The following SLC25A31 variants were observed in gnomAD, a reference collection of about 807,000 sequenced individuals.
SLC25A31 encodes ADP/ATP translocase 4.
A neutral mutation model predicts 36.2 loss-of-function variants in SLC25A31; 40 were observed. That is an observed-to-expected ratio of 1.10 (90% CI 0.86 to 1.44). SLC25A31 has a LOEUF of 1.44. Ranked by LOEUF, SLC25A31 falls within the 40% of genes most tolerant of loss-of-function variation. The pLI is 0.00. For missense variants in SLC25A31, 350 were observed against 397.1 expected, an observed-to-expected ratio of 0.88 and a Z score of 1.01; for synonymous variants, 143 against 149.7, an observed-to-expected ratio of 0.96 and a Z score of 0.32.
chr4:127,736,333 T>G (rs1252326131), intron 1 of SLC25A31, among the ~76,000 whole-genome samples: 1 of 152,216 alleles, frequency 6.6e-6, no homozygotes, highest in Non-Finnish European at 1.5e-5. Context: ...TCTTAGGAAT[T>G]AGAAACTTAA....
chr4:127,761,048 G>C (rs1204084523), intron 2 of SLC25A31, among the ~76,000 whole-genome samples: 6 of 152,094 alleles, frequency 3.9e-5, no homozygotes, highest in Non-Finnish European at 8.8e-5. Flanking sequence ...TTTATTTTCA[G>C]TCTTACTTGT....
At chr4:127,742,874 C>G (rs1731756753) in intron 1 of SLC25A31, among the ~76,000 whole-genome samples, 1 of 152,066 alleles carries the variant, frequency 6.6e-6, no homozygotes, top group African/African-American at 2.4e-5. Flanking sequence ...TTCATTTCTT[C>G]TTTGACCCAT....
chr4:127,730,892 TC>T, intron 1 of SLC25A31, 115 bp downstream of exon 1: 1 of 1,001,244 alleles, frequency 1.0e-6, no homozygotes, highest in Non-Finnish European at 1.4e-6. Flanking sequence ...GCTACAGCTG[TC>T]GGTGATGAAT....
intron 5 of SLC25A31, among the ~76,000 whole-genome samples, chr4:127,770,117 C>T (rs1280537156): frequency 6.6e-6 from 1 of 152,208 alleles, no homozygotes; most frequent in African/African-American, 2.4e-5. Flanking sequence ...TAACCCGTTA[C>T]TTCACTTAGG....
chr4:127,746,472 T>C (rs893041237), intron 2 of SLC25A31, among the ~76,000 whole-genome samples: 7 of 152,178 alleles, frequency 4.6e-5, no homozygotes, highest in South Asian at 2.1e-4. Flanking sequence ...TTTTGAATAG[T>C]AGCCATTTTG....
intron 2 of SLC25A31, among the ~76,000 whole-genome samples, chr4:127,754,973 A>C (rs867809469): frequency 5.9e-5 from 9 of 152,204 alleles, no homozygotes; most frequent in Admixed American, 6.5e-5. Context: ...CAGGACAGAA[A>C]GCCCAGAAGT....
chr4:127,738,982 C>T (rs560392020), intron 1 of SLC25A31, among the ~76,000 whole-genome samples: 23 of 152,092 alleles, frequency 1.5e-4, no homozygotes, highest in African/African-American at 5.5e-4. Context: ...TTACTTTGAG[C>T]CTGTGGGTGT....
intron 2 of SLC25A31, among the ~76,000 whole-genome samples, chr4:127,761,175 C>A (rs1486558207): frequency 6.6e-6 from 1 of 152,076 alleles, no homozygotes; most frequent in African/African-American, 2.4e-5. Flanking sequence ...TCGGCCATAC[C>A]GTTTATATAT....
chr4:127,768,609 GCTA>G (rs1732290762), intron 4 of SLC25A31, 140 bp from the exon 5 acceptor site: 1 of 587,882 alleles, frequency 1.7e-6, no homozygotes, highest in Admixed American at 3.8e-5. Context: ...TTATTGATCT[GCTA>G]CTATTAAATC....
Position 127,748,241 on chromosome 4 carries a change from C to T in SLC25A31, c.360+3442C>T, listed in dbSNP as rs529087081. Among the ~76,000 whole-genome samples, 53 of 152,314 alleles carry T rather than the reference C, an allele frequency of 3.5e-4. 1 individual carries two copies. The highest frequency in any genetic ancestry group is 6.8e-3 in the Middle Eastern group (2 of 294). ...CCCAGCTGAGTCACTCACCTCAGTC[C>T]CTTATAGATCTTGAAACAGTCCTAT... is the stretch of plus-strand genomic sequence containing the variant. On this transcript the variant is annotated intron_variant, in intron 2 of 5. Coordinates refer to ENST00000281154, the MANE Select transcript of SLC25A31 (RefSeq NM_031291.4).
Position 127,735,877 on chromosome 4 carries a change from T to TTATTA in SLC25A31, c.232+5101_232+5102insATTAT, listed in dbSNP as rs1386216751. 7.0e-4 allele frequency among the ~76,000 whole-genome samples: 52 copies of TTATTA among 74,440 alleles called. No individual in the cohort carries two copies. The East Asian group carries it at 9.1e-3, about 13-fold the overall frequency. The allele number at this position is 74,440 out of a possible 152,430, so 48.8% of individuals were successfully genotyped here. ...GCCTAACATTCTTTTATTTTATTTATTTATTTATTTATTTATTTATTTTTT... is the reference window on the plus strand; with the variant it reads ...GCCTAACATTCTTTTATTTTATTTATTATTATTATTTATTTATTTATTTATTTTTT... On this transcript the variant is annotated intron_variant, in intron 1 of 5. Transcript: ENST00000281154.
chr4:127,735,457 G>C (rs1443156906), intron 1 of SLC25A31, among the ~76,000 whole-genome samples: 1 of 151,788 alleles, frequency 6.6e-6, no homozygotes, highest in Non-Finnish European at 1.5e-5. Context: ...TTCATATATT[G>C]TTTTTTTGTT....
intron 3 of SLC25A31, among the ~76,000 whole-genome samples, chr4:127,766,147 T>C (rs1390138736): frequency 1.1e-5 from 1 of 92,208 alleles, no homozygotes; most frequent in Non-Finnish European, 2.3e-5. Context: ...GGAGTTTTTT[T>C]ATTTGTTTTT....
At chr4:127,732,401 A>C (rs1404247613) in intron 1 of SLC25A31, among the ~76,000 whole-genome samples, 1 of 152,162 alleles carries the variant, frequency 6.6e-6, no homozygotes, top group African/African-American at 2.4e-5. Context: ...CTCTCCACTC[A>C]TTCATTTAAT....
At chr4:127,744,913 G>A in intron 2 of SLC25A31, 114 bp downstream of exon 2, 1 of 816,984 alleles carries the variant, frequency 1.2e-6, no homozygotes, top group Non-Finnish European at 1.7e-6. Flanking sequence ...CTTTAAAATG[G>A]TTAGATTTGT....
At chr4:127,768,924 CTGATATTTAGG>C (rs1266908079) in intron 5 of SLC25A31, 47 bp downstream of exon 5, 1 of 1,494,138 alleles carries the variant, frequency 6.7e-7, no homozygotes, top group Non-Finnish European at 9.0e-7. Flanking sequence ...TTTAATATCT[CTGATATTTAGG>C]TATAATCAAA....
chr4:127,737,312 T>C (rs763840474), intron 1 of SLC25A31, among the ~76,000 whole-genome samples: 1 of 152,238 alleles, frequency 6.6e-6, no homozygotes, highest in African/African-American at 2.4e-5. Flanking sequence ...GTTATACTTC[T>C]AGGGATTTGT....
chr4:127,756,999 A>G (rs903635889), intron 2 of SLC25A31, among the ~76,000 whole-genome samples: 5 of 152,224 alleles, frequency 3.3e-5, no homozygotes, highest in Admixed American at 1.3e-4. Flanking sequence ...ATGTTCATAC[A>G]AAAACCAGTG....
Position 127,756,969 on chromosome 4 carries a change from T to C in SLC25A31, c.361-7274T>C, listed in dbSNP as rs1344259217. ...GTTTACACTTTTGGGTGGGCATTTA[T>C]CCTGGAGAAATGAAAATTTATGTTC... is the stretch of plus-strand genomic sequence containing the variant. On this transcript the variant is annotated intron_variant, in intron 2 of 5. Transcript: ENST00000281154. 2.0e-5 allele frequency among the ~76,000 whole-genome samples: 3 copies of C among 152,154 alleles called. No individual in the cohort carries two copies. The East Asian group carries it at 5.8e-4, about 29-fold the overall frequency.
Sources: gnomAD v4.1 joint callset for allele counts (sites outside exome capture counted in the v4.1 genomes callset) on GRCh38, gnomAD v4.1.1 for gene constraint, MANE v1.5 for transcripts, NCBI Gene and HGNC (gene_info 2026-07-23, HGNC 2026-07-21) for gene names.